DZANK1: variants seen among roughly 807,000 people sequenced by gnomAD.
DZANK1 encodes double zinc ribbon and ankyrin repeat-containing protein 1.
A neutral mutation model predicts 94.5 loss-of-function variants in DZANK1; 91 were observed. That is an observed-to-expected ratio of 0.96 (90% CI 0.81 to 1.15). The LOEUF is 1.15. Among genes scored for constraint, DZANK1 ranks in the 50% most tolerant of loss-of-function variants. The pLI is 0.00. For missense variants in DZANK1, 903 were observed against 916.4 expected, an observed-to-expected ratio of 0.99 and a Z score of 0.19; for synonymous variants, 312 against 325.3, an observed-to-expected ratio of 0.96 and a Z score of 0.44.
At chr20:18,408,929 T>G (rs1297549914) in intron 13 of DZANK1, among the ~76,000 whole-genome samples, 2 of 152,094 alleles carry the variant, frequency 1.3e-5, no homozygotes, top group Non-Finnish European at 2.9e-5. Context: ...GACTAAATTA[T>G]GAACCAATCA....
chr20:18,451,359 T>A (rs920855198), intron 6 of DZANK1, among the ~76,000 whole-genome samples: 1 of 152,184 alleles, frequency 6.6e-6, no homozygotes, highest in African/African-American at 2.4e-5. Context: ...ATAGATGATC[T>A]TCTCCTTGAA....
chr20:18,385,904 TG>T (rs2048460768), intron 19 of DZANK1, among the ~76,000 whole-genome samples: 2 of 152,206 alleles, frequency 1.3e-5, no homozygotes, highest in Non-Finnish European at 2.9e-5. Flanking sequence ...CCGTATTTCC[TG>T]GTCAGGTTTG....
At chr20:18,437,825 T>G (rs962838082) in intron 8 of DZANK1, among the ~76,000 whole-genome samples, 11 of 152,024 alleles carry the variant, frequency 7.2e-5, no homozygotes, top group Non-Finnish European at 1.5e-4. Context: ...TGTGATAAAT[T>G]GAGGTCCATA....
chr20:18,408,886 T>C (rs974369396), intron 13 of DZANK1, among the ~76,000 whole-genome samples: 1 of 152,202 alleles, frequency 6.6e-6, no homozygotes, highest in Non-Finnish European at 1.5e-5. Context: ...ACTGGCATTG[T>C]GGTGTGTGAA....
chr20:18,390,998 C>T (rs2055939494), intron 17 of DZANK1, among the ~76,000 whole-genome samples: 1 of 152,098 alleles, frequency 6.6e-6, no homozygotes, highest in African/African-American at 2.4e-5. Flanking sequence ...GAGTTTGAGA[C>T]CAGCCTAGCC....
At chr20:18,434,913 T>C (rs1352287979) in intron 8 of DZANK1, among the ~76,000 whole-genome samples, 1 of 152,168 alleles carries the variant, frequency 6.6e-6, no homozygotes. Context: ...GGGTAATCGA[T>C]GCACTGACTG....
chr20:18,437,063 T>C (rs1244018540), intron 8 of DZANK1, among the ~76,000 whole-genome samples: 1 of 152,128 alleles, frequency 6.6e-6, no homozygotes, highest in African/African-American at 2.4e-5. Context: ...GAAATGACAC[T>C]AGATGATCAC....
In DZANK1 at chr20:18,461,233, C is replaced by T. The variant is rs188245148; in HGVS notation, c.110-927G>A. ...TCTATGTACATATTCTTATTTCTCC[C>T]TCTCTTTTGACACAAATGATGGCAT... On this transcript the variant is annotated intron_variant, in intron 2 of 20. Transcript: ENST00000262547. Among the ~76,000 whole-genome samples, 184 of 152,286 alleles carry T rather than the reference C, an allele frequency of 1.2e-3. 1 individual carries two copies. The highest frequency in any genetic ancestry group is 4.3e-3 in the African/African-American group (180 of 41,566).
chr20:18,434,493 C>A (rs905795194), intron 8 of DZANK1, among the ~76,000 whole-genome samples: 1 of 144,220 alleles, frequency 6.9e-6, no homozygotes, highest in Non-Finnish European at 1.5e-5. Context: ...TGTAGTGAGC[C>A]GAGATCGCCT....
chr20:18,464,965 G>A (rs1169712218), intron 2 of DZANK1, among the ~76,000 whole-genome samples: 4 of 151,556 alleles, frequency 2.6e-5, no homozygotes, highest in Admixed American at 6.6e-5. Context: ...GTGAACCACC[G>A]CACCCGGCCA....
At chr20:18,427,194 T>C in intron 9 of DZANK1, 35 bp from the exon 10 acceptor site, 1 of 1,528,906 alleles carries the variant, frequency 6.5e-7, no homozygotes, top group Non-Finnish European at 9.0e-7. Context: ...CATGTTCCTC[T>C]GAGCAAACAA....
At chr20:18,391,188 C>CT (rs2055958833) in intron 17 of DZANK1, among the ~76,000 whole-genome samples, 1 of 152,062 alleles carries the variant, frequency 6.6e-6, no homozygotes, top group Non-Finnish European at 1.5e-5. Flanking sequence ...GGGACTCTGT[C>CT]TCAAAAAACA....
chr20:18,401,495 T>C (rs962646253), intron 13 of DZANK1, among the ~76,000 whole-genome samples: 1 of 152,234 alleles, frequency 6.6e-6, no homozygotes, highest in Non-Finnish European at 1.5e-5. Context: ...GTCAAGAATA[T>C]GGTCAATGCT....
intron 6 of DZANK1, chr20:18,451,913 T>C (rs758885667): frequency 3.9e-6 from 2 of 518,898 alleles, no homozygotes; most frequent in Non-Finnish European, 3.8e-6. Context: ...CTAATCTCCA[T>C]ACTGTGGCCA....
At chr20:18,443,227 C>T in intron 8 of DZANK1, 120 bp downstream of exon 8, 1 of 742,612 alleles carries the variant, frequency 1.3e-6, no homozygotes. Context: ...GTTCAATCAG[C>T]CAGTAATTCT....
chr20:18,416,032 C>T (rs552032230), intron 10 of DZANK1, among the ~76,000 whole-genome samples: 9 of 152,326 alleles, frequency 5.9e-5, no homozygotes, highest in African/African-American at 2.2e-4. Context: ...ATGGGAGTGA[C>T]AGCACAGTGG....
exon 2 of DZANK1, chr20:18,465,344 T>A: frequency 6.3e-7 from 1 of 1,599,662 alleles, no homozygotes; most frequent in Middle Eastern, 1.7e-4. Flanking sequence ...GGACACACAC[T>A]GAACCAGCAG....
chr20:18,437,266 C>T (rs1159339451), intron 8 of DZANK1, among the ~76,000 whole-genome samples: 1 of 152,116 alleles, frequency 6.6e-6, no homozygotes, highest in Admixed American at 6.5e-5. Flanking sequence ...GAGGACGATA[C>T]TTAAGCAATG....
rs376754427 is a variant in DZANK1, at chr20:18,426,171, C to T, written c.954+896G>A. On this transcript the variant is annotated intron_variant, in intron 10 of 20. Transcript: ENST00000262547. ...CTCCTATCAGATCAGCGGCAGCATT[C>T]GATTCTCATAGGAGTGCAAACCCTA... 1.1e-3 allele frequency among the ~76,000 whole-genome samples: 171 copies of T among 152,250 alleles called. 2 individuals are homozygous for T. The highest frequency in any genetic ancestry group is 3.8e-3 in the African/African-American group (156 of 41,530).
Sources: allele counts gnomAD v4.1 joint callset (sites outside exome capture counted in the v4.1 genomes callset), GRCh38; gene constraint gnomAD v4.1.1; transcripts MANE v1.5; gene names NCBI Gene and HGNC (gene_info 2026-07-23, HGNC 2026-07-21).